The following HHLA2 variants were observed in gnomAD, a reference collection of about 807,000 sequenced individuals.
HHLA2 encodes HHLA2 member of B7 family, also known as HERV-H LTR-associating protein 2.
In HHLA2, 48 loss-of-function variants were observed where a neutral mutation model predicts 45.9. The ratio of observed to expected loss-of-function variants is 1.05; its 90% CI spans 0.83 to 1.33. The LOEUF (loss-of-function observed/expected upper bound fraction) is 1.33, where lower values mean the gene tolerates loss of function less well. Ranked by LOEUF, HHLA2 falls within the 40% of genes most tolerant of loss-of-function variation. HHLA2 has a pLI of 0.00. For synonymous variants in HHLA2, 161 were observed against 173.9 expected, an observed-to-expected ratio of 0.93 and a Z score of 0.59; for missense variants, 462 against 494.3, an observed-to-expected ratio of 0.93 and a Z score of 0.62.
rs747591855 is a variant in HHLA2 at position 108,377,288 on chromosome 3, G to A, written c.*10G>A. The stretch of plus-strand genomic sequence containing the variant: ...TTCAGGAAAAGTATAGGAAATGAGA[G>A]AAGACTGTGACAACTCATGACCTGC... On this transcript the variant is annotated 3_prime_UTR_variant, in exon 11 of 11. Transcript: ENST00000619531. 6 of 1,569,738 alleles carry A rather than the reference G, an allele frequency of 3.8e-6. No individual in the cohort carries two copies. The Admixed American group carries it at 1.0e-4, about 27-fold the overall frequency.
intron 1 of HHLA2, among the ~76,000 whole-genome samples, chr3:108,300,506 G>A (rs75994966): frequency 0.064 from 9,725 of 152,194 alleles, 459 homozygotes; most frequent in East Asian, 0.23. Flanking sequence ...AATAGGAAAA[G>A]CATGGTTTGC....
At chr3:108,342,858 T>C (rs1003398598) in intron 3 of HHLA2, among the ~76,000 whole-genome samples, 3 of 152,328 alleles carry the variant, frequency 2.0e-5, no homozygotes, top group African/African-American at 7.2e-5. Context: ...TTGAGAGGTC[T>C]TCCTTAACAC....
intron 8 of HHLA2, among the ~76,000 whole-genome samples, chr3:108,366,402 G>A (rs531276982): frequency 2.0e-5 from 3 of 152,242 alleles, no homozygotes; most frequent in Admixed American, 2.0e-4. Context: ...GAGGATTTTC[G>A]CTTTGATGTT....
intron 6 of HHLA2, among the ~76,000 whole-genome samples, chr3:108,357,445 G>C (rs2081913587): frequency 2.0e-5 from 3 of 152,200 alleles, no homozygotes; most frequent in Admixed American, 6.5e-5. Context: ...GAGACCACTA[G>C]GGAGTAGGTA....
intron 7 of HHLA2, 104 bp downstream of exon 6, chr3:108,358,265 C>T: frequency 1.4e-6 from 1 of 740,396 alleles, no homozygotes; most frequent in Non-Finnish European, 2.1e-6. Flanking sequence ...ACATTGATAC[C>T]CTCTCAAAAT....
chr3:108,375,863 C>CTGTCA (rs998599272), intron 9 of HHLA2, 63 bp downstream of exon 8: 1 of 1,579,356 alleles, frequency 6.3e-7, no homozygotes, highest in African/African-American at 1.4e-5. Flanking sequence ...CAAAAGATAT[C>CTGTCA]GGCAAAAACT....
At chr3:108,359,189 A>C (rs951213250) in intron 7 of HHLA2, among the ~76,000 whole-genome samples, 1 of 152,200 alleles carries the variant, frequency 6.6e-6, no homozygotes. Context: ...TAAAAAAAAA[A>C]ATAGTCAAGA....
chr3:108,314,502 G>C (rs923440754), intron 2 of HHLA2, among the ~76,000 whole-genome samples: 3 of 152,040 alleles, frequency 2.0e-5, no homozygotes, highest in Non-Finnish European at 2.9e-5. Flanking sequence ...AGGAAGATTG[G>C]CAGGGATGGG....
chr3:108,327,243 T>C (rs1398924447), intron 2 of HHLA2, among the ~76,000 whole-genome samples: 1 of 152,208 alleles, frequency 6.6e-6, no homozygotes, highest in African/African-American at 2.4e-5. Context: ...TTTTTTGTTG[T>C]GCCTTCTGAC....
rs67374827 is a variant in HHLA2, at chr3:108,321,091, TAAAA to T, written c.-104-7161_-104-7158del. Among the ~76,000 whole-genome samples the T allele has an allele frequency of 6.1e-4, 62 of 101,412 alleles. 2 individuals are homozygous for T. The highest frequency in any genetic ancestry group is 1.2e-3 in the African/African-American group (33 of 27,650). The allele number at this position is 101,412 out of a possible 152,430, so 66.5% of individuals were successfully genotyped here. A position where few individuals can be genotyped will look rare whatever the true frequency, so the allele number is the denominator to read the frequency against. ...TCACCAGAACATTTCTCCAGGTGTT[TAAAA>T]AAAAAAAAAAAAAAAAAGACTGTGC... On this transcript the variant is annotated intron_variant, in intron 2 of 10. Coordinates refer to ENST00000619531, the Ensembl canonical transcript of HHLA2.
intron 8 of HHLA2, among the ~76,000 whole-genome samples, chr3:108,375,141 T>G (rs1174669613): frequency 6.6e-6 from 1 of 152,042 alleles, no homozygotes. Flanking sequence ...CATGGAATAC[T>G]ATGCAGCCAT....
chr3:108,376,243 A>T (rs534280600), intron 9 of HHLA2, among the ~76,000 whole-genome samples: 1 of 152,302 alleles, frequency 6.6e-6, no homozygotes, highest in African/African-American at 2.4e-5. Flanking sequence ...ACAAGGAGCC[A>T]GGAATTGCTG....
Position 108,302,004 on chromosome 3 carries a change from A to G in HHLA2, c.-192+5405A>G, listed in dbSNP as rs189987534. 3.1e-3 allele frequency among the ~76,000 whole-genome samples: 476 copies of G among 152,288 alleles called. 6 individuals are homozygous for G. Among genetic ancestry groups the G allele is most frequent in the Non-Finnish European group, 4.7e-3 (317 of 68,026 alleles). On this transcript the variant is annotated intron_variant, in intron 1 of 10. Coordinates refer to ENST00000619531, the Ensembl canonical transcript of HHLA2. The stretch of plus-strand genomic sequence containing the variant: ...GGGTTGATATTCTCATTTTAGAAGA[A>G]AGTTGAGATATGCTATAGTTTAGGA...
At chr3:108,374,152 C>T (rs938726129) in intron 8 of HHLA2, among the ~76,000 whole-genome samples, 5 of 150,430 alleles carry the variant, frequency 3.3e-5, no homozygotes, top group Non-Finnish European at 6.0e-5. Context: ...TGGAACAGAA[C>T]AGAGCCCTCA....
chr3:108,316,084 T>TAAAAAAAA (rs566823530), intron 2 of HHLA2, among the ~76,000 whole-genome samples: 1 of 89,474 alleles, frequency 1.1e-5, no homozygotes. Flanking sequence ...TGACAAACAG[T>TAAAAAAAA]AAAAAAAAAA....
intron 1 of HHLA2, among the ~76,000 whole-genome samples, chr3:108,309,579 A>G (rs1014834037): frequency 2.0e-5 from 3 of 151,922 alleles, no homozygotes; most frequent in Non-Finnish European, 4.4e-5. Context: ...TGCTCAGGTA[A>G]TTTGTAGACT....
intron 2 of HHLA2, among the ~76,000 whole-genome samples, chr3:108,313,559 C>T (rs959128870): frequency 1.3e-5 from 2 of 152,194 alleles, no homozygotes; most frequent in African/African-American, 2.4e-5. Flanking sequence ...CTCTCAATCT[C>T]TGCTTCAGAG....
intron 5 of HHLA2, among the ~76,000 whole-genome samples, chr3:108,354,647 G>A (rs1463233651): frequency 6.6e-6 from 1 of 152,056 alleles, no homozygotes; most frequent in Non-Finnish European, 1.5e-5. Flanking sequence ...CTAATGGGTT[G>A]TTTTTCCCAG....
At chr3:108,367,101 T>G (rs1386465338) in intron 8 of HHLA2, among the ~76,000 whole-genome samples, 1 of 152,120 alleles carries the variant, frequency 6.6e-6, no homozygotes, top group Admixed American at 6.5e-5. Flanking sequence ...GCAGCAGACC[T>G]GCAGAAGAGG....
Sources: allele counts gnomAD v4.1 joint callset (sites outside exome capture counted in the v4.1 genomes callset), GRCh38; gene constraint gnomAD v4.1.1; transcripts MANE v1.5; gene names NCBI Gene and HGNC (gene_info 2026-07-23, HGNC 2026-07-21).